The following EHMT1 variants were observed in gnomAD, a reference collection of about 807,000 sequenced individuals.
The protein encoded by EHMT1 is euchromatic histone lysine methyltransferase 1, also known as histone-lysine N-methyltransferase EHMT1.
In EHMT1, 15 loss-of-function variants were observed where a neutral mutation model predicts 147.2. That is an observed-to-expected ratio of 0.10 (90% CI 0.07 to 0.16). EHMT1 has a LOEUF of 0.16. Among genes scored for constraint, EHMT1 ranks in the 10% least tolerant of loss-of-function variants. The probability of loss-of-function intolerance (pLI) is 1.00; values close to 1 mark genes in which losing one functional copy is unlikely to be tolerated. For synonymous variants in EHMT1, 795 were observed against 709.6 expected (o/e 1.12, Z -1.91); for missense variants, 1,587 against 1,772.4 (o/e 0.90, Z 1.88).
At chr9:137,710,496 G>T (rs944638229) in intron 1 of EHMT1, among the ~76,000 whole-genome samples, 2 of 152,162 alleles carry the variant, frequency 1.3e-5, no homozygotes, top group African/African-American at 4.8e-5. Context: ...AAGAGGCCTT[G>T]TATAATACAT....
chr9:137,788,027 G>GA (rs1251988885), intron 15 of EHMT1: 5 of 1,408,930 alleles, frequency 3.5e-6, no homozygotes, highest in African/African-American at 1.4e-5. Flanking sequence ...TAGGCTCCGG[G>GA]AAGAGGGTTG....
In EHMT1 at chr9:137,787,683, G is replaced by T; in HGVS notation, c.2383-3165G>T. The T allele has an allele frequency of 1.5e-6, 1 of 660,256 alleles. No homozygotes were observed. The highest frequency in any genetic ancestry group is 2.6e-5 in the East Asian group (1 of 38,216). The allele number at this position is 660,256 out of a possible 1,614,324, so 40.9% of individuals were successfully genotyped here. A position where few individuals can be genotyped will look rare whatever the true frequency, so the allele number is the denominator to read the frequency against. ...AAGAGCCTCACAGGCTGCACCGGGA[G>T]AGCAGCCCGCCTGGGCCAGGGGCCG... is the stretch of plus-strand genomic sequence containing the variant. On this transcript the variant is annotated intron_variant, in intron 15 of 26. Coordinates refer to ENST00000460843, the MANE Select transcript of EHMT1 (RefSeq NM_024757.5). The surrounding 1 kb of genome is among the most constrained non-coding windows in gnomAD (Gnocchi z 4.2).
intron 1 of EHMT1, among the ~76,000 whole-genome samples, chr9:137,663,345 C>G (rs1156719216): frequency 6.6e-6 from 1 of 152,030 alleles, no homozygotes; most frequent in Non-Finnish European, 1.5e-5. Flanking sequence ...GGTGTCGATT[C>G]TTGACAAGAT....
At chr9:137,792,554 A>G (rs553798631) in intron 16 of EHMT1, among the ~76,000 whole-genome samples, 52 of 152,250 alleles carry the variant, frequency 3.4e-4, no homozygotes, top group Middle Eastern at 6.8e-3. Flanking sequence ...AAAATATAAA[A>G]ATTAGCCGGG....
intron 1 of EHMT1, among the ~76,000 whole-genome samples, chr9:137,685,812 A>G (rs1399885864): frequency 6.6e-6 from 1 of 152,260 alleles, no homozygotes; most frequent in East Asian, 1.9e-4. Context: ...CATTTCTGCA[A>G]TGCATAATGA....
At position 137,762,832 on chromosome 9, in the gene EHMT1, T is replaced by C. The variant is rs778702173; in HGVS notation, c.1647+12T>C. 4 of 1,614,028 alleles carry C rather than the reference T, an allele frequency of 2.5e-6. No individual in the cohort carries two copies. Among genetic ancestry groups the C allele is most frequent in the Non-Finnish European group, 3.4e-6 (4 of 1,180,040 alleles). ...GCGTGGACCATGAAGTAAGCACGTT[T>C]GTTTTCATTTAAAGCAGCCACGAGG... On this transcript the variant is annotated intron_variant, in intron 10 of 26. Transcript: ENST00000460843.
chr9:137,745,045 C>T (rs1291091318), intron 6 of EHMT1, among the ~76,000 whole-genome samples: 2 of 152,184 alleles, frequency 1.3e-5, no homozygotes, highest in Admixed American at 6.5e-5. Flanking sequence ...GTTTATTGTT[C>T]GAGTGTGTCC....
chr9:137,751,020 A>G (rs1041101171), intron 6 of EHMT1, among the ~76,000 whole-genome samples: 11 of 152,244 alleles, frequency 7.2e-5, no homozygotes, highest in African/African-American at 2.7e-4. Context: ...CTTGCTGCAC[A>G]ACTCAGAATA....
chr9:137,815,289 C>T (rs944472164), intron 22 of EHMT1: 13 of 168,552 alleles, frequency 7.7e-5, no homozygotes, highest in Non-Finnish European at 1.4e-4. Flanking sequence ...GCTCAGAAAG[C>T]CACCAAGCTC....
At chr9:137,812,852 T>C (rs1351943354) in intron 19 of EHMT1, among the ~76,000 whole-genome samples, 154 bp from the exon 20 acceptor site, 1 of 152,266 alleles carries the variant, frequency 6.6e-6, no homozygotes, top group Non-Finnish European at 1.5e-5. Context: ...AGCCCGTCTT[T>C]GCAGAGTCAT....
intron 23 of EHMT1, chr9:137,817,000 G>A (rs1202381699): frequency 1.4e-5 from 3 of 221,750 alleles, no homozygotes; most frequent in South Asian, 6.4e-5. Context: ...AGAAACCCTC[G>A]ACCGCCACCT....
At chr9:137,774,534 G>A (rs1465349709) in intron 10 of EHMT1, among the ~76,000 whole-genome samples, 1 of 114,292 alleles carries the variant, frequency 8.7e-6, no homozygotes, top group East Asian at 2.8e-4. Context: ...GGATGTGGTC[G>A]CGTCTGGCCC....
chr9:137,817,649 G>T, intron 24 of EHMT1, 124 bp downstream of exon 24: 1 of 1,257,698 alleles, frequency 8.0e-7, no homozygotes, highest in Non-Finnish European at 1.1e-6. Flanking sequence ...AGCGTGGGGT[G>T]GGGGCCACAG....
intron 14 of EHMT1, among the ~76,000 whole-genome samples, chr9:137,781,472 C>A (rs148377931): frequency 1.8e-3 from 267 of 148,208 alleles, no homozygotes; most frequent in Admixed American, 3.7e-3. Flanking sequence ...GATGTGTGGT[C>A]ATGACGCTGG....
rs532992469 is a variant in EHMT1, at chr9:137,729,437, A to G, written c.823+908A>G. On this transcript the variant is annotated intron_variant, in intron 4 of 26. Transcript: ENST00000460843. The stretch of plus-strand genomic sequence containing the variant: ...CCCCGTCTATACTAAAAATAAAAAA[A>G]TTAGCCGGGCATGGTGGCGGGCGCC... 2.0e-5 allele frequency among the ~76,000 whole-genome samples: 3 copies of G among 152,242 alleles called. No individual in the cohort carries two copies. In the South Asian group the frequency reaches 6.2e-4, roughly 32 times the overall value.
chr9:137,638,778 A>G (rs1165484855), intron 1 of EHMT1, among the ~76,000 whole-genome samples: 14 of 152,000 alleles, frequency 9.2e-5, no homozygotes, highest in Non-Finnish European at 2.9e-5. Context: ...ACAGACATGC[A>G]CAGAAGGAAG....
chr9:137,681,275 G>A (rs1335441077), intron 1 of EHMT1, among the ~76,000 whole-genome samples: 2 of 152,330 alleles, frequency 1.3e-5, no homozygotes, highest in East Asian at 1.9e-4. Flanking sequence ...TTTGCCGCGT[G>A]TCTGTAACCA....
In EHMT1 at chr9:137,782,571, G is replaced by A. The variant is rs760923615; in HGVS notation, c.2382+174G>A. On this transcript the variant is annotated intron_variant, in intron 15 of 26. Transcript: ENST00000460843. The surrounding 1 kb of genome is among the most constrained non-coding windows in gnomAD (Gnocchi z 5.7). ...TCCTGCAGGTGGATCAGTGCTTCCC[G>A]CTGTTTCTTCCGGCATTTACCACGG... Among the ~76,000 whole-genome samples, 15 of 152,174 alleles carry A rather than the reference G, an allele frequency of 9.9e-5. No individual in the cohort carries two copies. The highest frequency in any genetic ancestry group is 2.2e-4 in the African/African-American group (9 of 41,430).
At chr9:137,790,280 A>C (rs1952427964) in intron 15 of EHMT1, among the ~76,000 whole-genome samples, 1 of 152,224 alleles carries the variant, frequency 6.6e-6, no homozygotes, top group African/African-American at 2.4e-5. Context: ...TTTAGCACAC[A>C]ACCAATTTTA....
Sources: allele counts gnomAD v4.1 joint callset (sites outside exome capture counted in the v4.1 genomes callset), GRCh38; gene constraint gnomAD v4.1.1; non-coding constraint Gnocchi (gnomAD v3.1); transcripts MANE v1.5; gene names NCBI Gene and HGNC (gene_info 2026-07-23, HGNC 2026-07-21).